SERPINF1: variants seen among roughly 807,000 people sequenced by gnomAD.
SERPINF1 encodes the protein serpin family F member 1.
SERPINF1 carries 29 observed loss-of-function variants against 37.3 expected under a neutral mutation model. The observed-to-expected ratio is 0.78, with a 90% CI of 0.58 to 1.06. The LOEUF (loss-of-function observed/expected upper bound fraction) is 1.06, where lower values mean the gene tolerates loss of function less well. Among genes scored for constraint, SERPINF1 ranks in the 50% least tolerant of loss-of-function variants. SERPINF1 has a pLI of 0.00. For synonymous variants in SERPINF1, 281 were observed against 227.9 expected, an observed-to-expected ratio of 1.23 and a Z score of -2.10; for missense variants, 553 against 532.2, an observed-to-expected ratio of 1.04 and a Z score of -0.38.
intron 2 of SERPINF1, 61 bp from the exon 3 acceptor site, chr17:1,769,791 A>T (rs1423779274): frequency 3.2e-6 from 5 of 1,567,786 alleles, no homozygotes; most frequent in Non-Finnish European, 2.6e-6. Context: ...GTGAGGAGAC[A>T]GTCCCTGTGC....
At chr17:1,773,827 G>C (rs73976286) in intron 5 of SERPINF1, among the ~76,000 whole-genome samples, 15,920 of 152,020 alleles carry the variant, frequency 0.1, 1,358 homozygotes, top group African/African-American at 0.23. Context: ...AAGGCCTTGT[G>C]GGGTGGCCTG....
At chr17:1,773,280 G>C (rs537251338) in intron 5 of SERPINF1, among the ~76,000 whole-genome samples, 11 of 152,272 alleles carry the variant, frequency 7.2e-5, no homozygotes, top group African/African-American at 2.6e-4. Context: ...GTCTCATTCT[G>C]TTGCCCAGGC....
chr17:1,763,257 CTGTT>C (rs770890447), intron 1 of SERPINF1, among the ~76,000 whole-genome samples: 1 of 152,168 alleles, frequency 6.6e-6, no homozygotes, highest in South Asian at 2.1e-4. Context: ...GCGGTGGAGG[CTGTT>C]TGTCTCCTAA....
At chr17:1,771,249 T>TA in intron 4 of SERPINF1, 65 bp downstream of exon 4, 67 of 1,252,294 alleles carry the variant, frequency 5.4e-5, no homozygotes, top group Non-Finnish European at 6.7e-5. Flanking sequence ...GCTGGGGGGG[T>TA]CTTTTTTTTT....
intron 5 of SERPINF1, among the ~76,000 whole-genome samples, chr17:1,772,300 G>T (rs908406753): frequency 6.6e-6 from 1 of 151,730 alleles, no homozygotes; most frequent in African/African-American, 2.4e-5. Context: ...GTATTTAATA[G>T]ACATGGGGTT....
chr17:1,771,823 TGCTTGTCGTCGAGTCTCATAC>T (rs1396403965), intron 4 of SERPINF1, 28 bp from the exon 5 acceptor site: 6 of 1,572,282 alleles, frequency 3.8e-6, no homozygotes, highest in Non-Finnish European at 3.5e-6. Context: ...AAAGACGGGA[TGCTTGTCGTCGAGTCTCATAC>T]GCTAACCTCT....
At chr17:1,775,326 T>A in intron 6 of SERPINF1, 126 bp downstream of exon 6, 1 of 943,232 alleles carries the variant, frequency 1.1e-6, no homozygotes, top group Non-Finnish European at 1.6e-6. Flanking sequence ...GCTGTGTGAC[T>A]TTGAGCAGGT....
chr17:1,776,416 G>A lies in SERPINF1; in HGVS notation c.787-116G>A, dbSNP rs541996690. 383 of 888,902 alleles carry A rather than the reference G, an allele frequency of 4.3e-4. 7 individuals are homozygous for A. The highest frequency in any genetic ancestry group is 4.1e-3 in the South Asian group (311 of 75,738). 55.1% of individuals were successfully genotyped at this position (888,902 alleles called of 1,614,324 possible). A position where few individuals can be genotyped will look rare whatever the true frequency, so the allele number is the denominator to read the frequency against. On this transcript the variant is annotated intron_variant, in intron 6 of 7. Coordinates refer to ENST00000254722, the MANE Select transcript of SERPINF1 (RefSeq NM_002615.7). ...GGAATTGTTAAATAGATGAGGGGCT[G>A]GATGAAGGACGAGACCAGGGCCCCG...
rs9889773 is a variant in SERPINF1, at chr17:1,777,024, A to G, written c.998-163A>G. ...TTCTCATCTTGACCTAACTTGCTAAATGCTCCTGGGCAAGTCACTCCACCC... is the reference window on the plus strand; with the variant it reads ...TTCTCATCTTGACCTAACTTGCTAAGTGCTCCTGGGCAAGTCACTCCACCC... On this transcript the variant is annotated intron_variant, in intron 7 of 7. Transcript: ENST00000254722. 0.38 allele frequency among the ~76,000 whole-genome samples: 56,699 copies of G among 151,158 alleles called. 10,891 individuals are homozygous for G. Among genetic ancestry groups the G allele is most frequent in the East Asian group, 0.51 (2,571 of 5,090 alleles).
chr17:1,775,403 C>T (rs1173337701), intron 6 of SERPINF1, among the ~76,000 whole-genome samples: 1 of 152,138 alleles, frequency 6.6e-6, no homozygotes, highest in African/African-American at 2.4e-5. Flanking sequence ...ACTTACCCTC[C>T]CAGGGTTTGT....
chr17:1,776,925 C>G (rs569671216), intron 7 of SERPINF1, among the ~76,000 whole-genome samples, 183 bp downstream of exon 7: 38 of 151,518 alleles, frequency 2.5e-4, no homozygotes, highest in African/African-American at 8.7e-4. Flanking sequence ...AGACTCATTC[C>G]TCAGCCTCAC....
chr17:1,776,552 C>T lies in SERPINF1; in HGVS notation c.807C>T (p.Thr269=), dbSNP rs375286670. 5.7e-5 allele frequency: 92 copies of T among 1,614,014 alleles called. No individual in the cohort carries two copies. The highest frequency in any genetic ancestry group is 5.1e-4 in the South Asian group (46 of 91,062). ...CTCAGATTGCCCAGCTGCCCTTGAC[C>T]GGAAGCATGAGTATCATCTTCTTCC... ...LSCKIAQLPL[T]GSMSIIFFLP... Residue 269 remains threonine, a synonymous_variant, in exon 7 of 8, where the codon ACC becomes ACT. Transcript: ENST00000254722.
In SERPINF1 at chr17:1,777,453, A is replaced by G. The variant is rs1158936079; in HGVS notation, c.*7A>G. 2.5e-6 allele frequency: 4 copies of G among 1,613,916 alleles called. No homozygotes were observed. The South Asian group carries it at 4.4e-5, about 18-fold the overall frequency. On this transcript the variant is annotated 3_prime_UTR_variant, in exon 8 of 8. Transcript: ENST00000254722. Reference sequence around the variant, plus strand: ...GGACCCCAGGGGCCCCTAATATCCCAGTTTAATATTCCAATACCCTAGAAG... The same window carrying G: ...GGACCCCAGGGGCCCCTAATATCCCGGTTTAATATTCCAATACCCTAGAAG...
At chr17:1,774,910 T>C (rs1427599049) in intron 5 of SERPINF1, 148 bp from the exon 6 acceptor site, 13 of 892,798 alleles carry the variant, frequency 1.5e-5, no homozygotes, top group East Asian at 2.5e-5. Flanking sequence ...CACACTGAGA[T>C]AGGCCTATTC....
intron 3 of SERPINF1, chr17:1,770,576 C>T: frequency 4.2e-6 from 1 of 236,734 alleles, no homozygotes; most frequent in Non-Finnish European, 8.4e-6. Flanking sequence ...TCTCCTGCCT[C>T]AGCCTCCAGA....
intron 2 of SERPINF1, among the ~76,000 whole-genome samples, chr17:1,769,314 C>G (rs920818837): frequency 2.0e-5 from 3 of 151,188 alleles, no homozygotes; most frequent in Non-Finnish European, 4.4e-5. Context: ...GAGGCTGAGG[C>G]AGGAGAATGG....
chr17:1,771,261 T>G, intron 4 of SERPINF1, 77 bp downstream of exon 4: 4 of 1,437,024 alleles, frequency 2.8e-6, no homozygotes, highest in Non-Finnish European at 3.7e-6. Flanking sequence ...TTTTTTTTTT[T>G]TTTTTGAGAC....
At chr17:1,775,780 T>C (rs1231149191) in intron 6 of SERPINF1, among the ~76,000 whole-genome samples, 1 of 152,230 alleles carries the variant, frequency 6.6e-6, no homozygotes, top group Non-Finnish European at 1.5e-5. Context: ...GTGATCCGCC[T>C]GCCTCGGTCT....
intron 4 of SERPINF1, 68 bp downstream of exon 4, chr17:1,771,252 T>C (rs1907717832): frequency 4.7e-6 from 2 of 428,232 alleles, no homozygotes; most frequent in Non-Finnish European, 6.0e-6. Flanking sequence ...GGGGGGGTCT[T>C]TTTTTTTTTT....
Sources: gnomAD v4.1 joint callset for allele counts (sites outside exome capture counted in the v4.1 genomes callset) on GRCh38, gnomAD v4.1.1 for gene constraint, MANE v1.5 for transcripts, NCBI Gene and HGNC (gene_info 2026-07-23, HGNC 2026-07-21) for gene names.